The following SUCO variants were observed in gnomAD, a reference collection of about 807,000 sequenced individuals.
The protein encoded by SUCO is SUN domain-containing ossification factor.
A neutral mutation model predicts 148.1 loss-of-function variants in SUCO; 57 were observed. That is an observed-to-expected ratio of 0.38 (90% CI 0.31 to 0.48). The LOEUF is 0.48. SUCO is among the 20% of genes least tolerant of loss of function. The pLI is 0.96. For synonymous variants in SUCO, 470 were observed against 502.7 expected, an observed-to-expected ratio of 0.93 and a Z score of 0.87; for missense variants, 1,331 against 1,468.2, an observed-to-expected ratio of 0.91 and a Z score of 1.53.
intron 1 of SUCO, among the ~76,000 whole-genome samples, chr1:172,549,891 GA>G (rs60802914): frequency 4.9e-5 from 7 of 143,870 alleles, no homozygotes; most frequent in Admixed American, 1.4e-4. Context: ...TTCCTTCAGG[GA>G]AAAAAAAAAA....
rs773257366 is a variant in SUCO at position 172,551,633 on chromosome 1, T to G, written c.177+7T>G. The G allele has an allele frequency of 1.3e-6, 2 of 1,525,434 alleles. No individual in the cohort carries two copies. Among genetic ancestry groups the G allele is most frequent in the Non-Finnish European group, 1.8e-6 (2 of 1,105,376 alleles). 94.5% of individuals were successfully genotyped at this position (1,525,434 alleles called of 1,614,324 possible). On this transcript the variant is annotated splice_region_variant and intron_variant, in intron 2 of 23. Transcript: ENST00000263688. ...TGTACAATTCCAGAAAAAGGTGCCT[T>G]AAATAAAGTTAACATTATAATTTGT... is the stretch of plus-strand genomic sequence containing the variant.
intron 9 of SUCO, 143 bp downstream of exon 9, chr1:172,570,873 C>T (rs1654911742): frequency 1.8e-6 from 1 of 543,944 alleles, no homozygotes; most frequent in Non-Finnish European, 3.2e-6. Flanking sequence ...AAACTGAGGA[C>T]AAAATGCCTT....
Position 172,533,485 on chromosome 1 carries a change from G to A in SUCO, c.50G>A (p.Cys17Tyr). 1 of 1,562,886 alleles carries A rather than the reference G, an allele frequency of 6.4e-7. No individual in the cohort carries two copies. The highest frequency in any genetic ancestry group is 1.2e-5 in the South Asian group (1 of 84,682). Residue 17 changes from cysteine (C) to tyrosine (Y), a missense_variant, in exon 1 of 24, where the codon TGC (cysteine) becomes TAC (tyrosine). Transcript: ENST00000263688. Reference sequence around the variant, plus strand: ...GCCCTGGTCTCCTGCCTCTTTCTGTGCTCTCTGGTCTGGTGAGTAGCCGCG... The same window carrying A: ...GCCCTGGTCTCCTGCCTCTTTCTGTACTCTCTGGTCTGGTGAGTAGCCGCG... ...ALALVSCLFL[C>Y]SLVWLPSWRV...
intron 1 of SUCO, chr1:172,544,268 ATTC>A: frequency 8.4e-6 from 3 of 355,796 alleles, no homozygotes; most frequent in Non-Finnish European, 1.2e-5. Flanking sequence ...GTGTTTTCTC[ATTC>A]TTCTTTTTAA....
At chr1:172,575,106 A>G (rs1222970429) in intron 10 of SUCO, among the ~76,000 whole-genome samples, 1 of 152,032 alleles carries the variant, frequency 6.6e-6, no homozygotes, top group Non-Finnish European at 1.5e-5. Context: ...AGATATGTCA[A>G]ACTCAGATGT....
chr1:172,570,063 A>G lies in SUCO; in HGVS notation c.873A>G (p.Ala291=), dbSNP rs138095001. The G allele has an allele frequency of 5.8e-4, 915 of 1,565,924 alleles. 1 individual carries two copies. The highest frequency in any genetic ancestry group is 1.3e-3 in the South Asian group (105 of 82,438). The part of the protein sequence containing the change: ...VEKEKSQSMH[A]SSNGGSHATK... ...TGTCTGCAGGTCAGTCGATGCATGC[A>G]TCTTCTAATGGAGGTTCACATGCCA... The change falls in exon 8 of 24, where the codon GCA becomes GCG. Residue 291 remains alanine, a synonymous_variant. Coordinates refer to ENST00000263688, the MANE Select transcript of SUCO (RefSeq NM_014283.5).
chr1:172,608,856 A>G, intron 23 of SUCO, 54 bp downstream of exon 23: 2 of 1,232,118 alleles, frequency 1.6e-6, no homozygotes, highest in South Asian at 2.6e-5. Flanking sequence ...TAATAAATGA[A>G]GAAAAGAGGT....
intron 15 of SUCO, among the ~76,000 whole-genome samples, chr1:172,584,716 C>CAGTGGTGCAATCTG (rs1298603389): frequency 1.4e-4 from 21 of 152,240 alleles, no homozygotes; most frequent in African/African-American, 4.3e-4. Context: ...GAGGTTGTTG[C>CAGTGGTGCAATCTG]AGTGAGCCGA....
intron 14 of SUCO, 72 bp downstream of exon 14, chr1:172,578,461 A>AGTAT: frequency 6.8e-7 from 1 of 1,462,636 alleles, no homozygotes; most frequent in South Asian, 1.3e-5. Context: ...GTAATGGGGG[A>AGTAT]GTATAGCTTA....
rs144423161 is a variant in SUCO at position 172,591,886 on chromosome 1, A to C, written c.2913+815A>C. ...TTCCACCATGGTTGAACTAGTTTAC[A>C]GTCCAACCAGCAATGTAACAGTGTT... On this transcript the variant is annotated intron_variant, in intron 19 of 23. Coordinates refer to ENST00000263688, the MANE Select transcript of SUCO (RefSeq NM_014283.5). 3.6e-3 allele frequency among the ~76,000 whole-genome samples: 545 copies of C among 152,330 alleles called. 2 individuals are homozygous for C. Among genetic ancestry groups the C allele is most frequent in the African/African-American group, 0.013 (524 of 41,572 alleles).
intron 20 of SUCO, among the ~76,000 whole-genome samples, chr1:172,600,430 G>A (rs922090517): frequency 6.6e-6 from 1 of 152,090 alleles, no homozygotes; most frequent in Non-Finnish European, 1.5e-5. Context: ...TGTAAGCATT[G>A]ATAGTAGCAA....
rs16844714 is a variant in SUCO, at chr1:172,583,435, A to G, written c.1499-1583A>G. ...ATACACTCATAATTTCGTGAAGATC[A>G]ACATTATGGCTGATTCCTAGCTATC... On this transcript the variant is annotated intron_variant, in intron 15 of 23. Transcript: ENST00000263688. Among the ~76,000 whole-genome samples the G allele has an allele frequency of 7.7e-3, 1,169 of 152,300 alleles. 12 individuals carry two copies. Among genetic ancestry groups the G allele is most frequent in the African/African-American group, 0.026 (1,091 of 41,570 alleles).
rs900282545 is a variant in SUCO, at chr1:172,610,665, A to G, written c.*406A>G. Reference sequence around the variant, plus strand: ...ATAATGCCACTGGAAGAGGAGGGATAACTTTTTCTGTTATTTGATTTCTTT... The same window carrying G: ...ATAATGCCACTGGAAGAGGAGGGATGACTTTTTCTGTTATTTGATTTCTTT... On this transcript the variant is annotated 3_prime_UTR_variant, in exon 24 of 24. Transcript: ENST00000263688. The G allele has an allele frequency of 6.4e-6, 1 of 156,514 alleles. No homozygotes were observed. Among genetic ancestry groups the G allele is most frequent in the Non-Finnish European group, 1.4e-5 (1 of 70,956 alleles). 9.7% of individuals were successfully genotyped at this position (156,514 alleles called of 1,614,324 possible). A position where few individuals can be genotyped will look rare whatever the true frequency, so the allele number is the denominator to read the frequency against.
intron 1 of SUCO, among the ~76,000 whole-genome samples, chr1:172,545,917 CTTCCTTTCCTTTCCT>C (rs762712987): frequency 7.2e-5 from 11 of 151,794 alleles, no homozygotes; most frequent in Non-Finnish European, 1.2e-4. Context: ...TCCTTCCTTC[CTTCCTTTCCTTTCCT>C]TTCCTTTCCT....
chr1:172,602,578 A>G (rs542484608), intron 21 of SUCO, 118 bp from the exon 22 acceptor site: 2 of 1,477,574 alleles, frequency 1.4e-6, no homozygotes, highest in South Asian at 3.0e-5. Flanking sequence ...CTGGAGTGTT[A>G]GAGTTAGTCC....
At chr1:172,602,352 A>G in intron 21 of SUCO, 134 bp downstream of exon 21, 1 of 1,412,644 alleles carries the variant, frequency 7.1e-7, no homozygotes, top group Non-Finnish European at 9.2e-7. Context: ...CAAAACATTA[A>G]AAACATCATT....
At chr1:172,579,882 G>A (rs1203042125) in intron 15 of SUCO, among the ~76,000 whole-genome samples, 1 of 151,966 alleles carries the variant, frequency 6.6e-6, no homozygotes, top group African/African-American at 2.4e-5. Flanking sequence ...GATTATTTCT[G>A]AAAAATGTAA....
chr1:172,577,434 C>A, intron 11 of SUCO, 105 bp from the exon 12 acceptor site: 1 of 1,087,146 alleles, frequency 9.2e-7, no homozygotes, highest in Non-Finnish European at 1.3e-6. Flanking sequence ...TGACATTACT[C>A]TCTATACTTT....
chr1:172,599,454 AT>A, intron 19 of SUCO: 1 of 820,778 alleles, frequency 1.2e-6, no homozygotes, highest in Non-Finnish European at 1.5e-6. Flanking sequence ...ATCTTTGTTG[AT>A]TATAAAAGTT....
Sources: gnomAD v4.1 joint callset for allele counts (sites outside exome capture counted in the v4.1 genomes callset) on GRCh38, gnomAD v4.1.1 for gene constraint, MANE v1.5 for transcripts, NCBI Gene and HGNC (gene_info 2026-07-23, HGNC 2026-07-21) for gene names.